Variants in SPATA18 observed in about 807,000 individuals in gnomAD.
SPATA18 encodes the protein spermatogenesis associated 18.
A neutral mutation model predicts 68.1 loss-of-function variants in SPATA18; 54 were observed. The observed-to-expected ratio is 0.79, with a 90% CI of 0.64 to 0.99. The LOEUF (loss-of-function observed/expected upper bound fraction) is 0.99, where lower values mean the gene tolerates loss of function less well. Among genes scored for constraint, SPATA18 ranks in the 50% least tolerant of loss-of-function variants. The pLI is 0.00. For missense variants in SPATA18, 724 were observed against 681.1 expected (o/e 1.06, Z -0.70); for synonymous variants, 242 against 244.8 (o/e 0.99, Z 0.11).
In SPATA18 at chr4:52,097,059, C is replaced by A. The variant is rs1742486356; in HGVS notation, c.*2172C>A. 1 of 152,094 alleles carries A rather than the reference C, an allele frequency of 6.6e-6. No homozygotes were observed. The highest frequency in any genetic ancestry group is 2.1e-4 in the South Asian group (1 of 4,828). The allele number at this position is 152,094 out of a possible 1,614,324, so 9.4% of individuals were successfully genotyped here. A position where few individuals can be genotyped will look rare whatever the true frequency, so the allele number is the denominator to read the frequency against. On this transcript the variant is annotated 3_prime_UTR_variant, in exon 13 of 13. Coordinates refer to ENST00000295213, the MANE Select transcript of SPATA18 (RefSeq NM_145263.4). ...TTGAGCTGTAACTACACAAGGAAAG[C>A]TAAATAGTCTGGAAAATTTTTGGAA...
intron 11 of SPATA18, among the ~76,000 whole-genome samples, chr4:52,089,920 G>C (rs1056217503): frequency 1.2e-4 from 18 of 152,180 alleles, no homozygotes; most frequent in African/African-American, 4.3e-4. Context: ...GGGAGTATAA[G>C]TCTCTTTGTA....
intron 11 of SPATA18, among the ~76,000 whole-genome samples, chr4:52,088,340 G>T (rs1741617341): frequency 6.6e-6 from 1 of 152,090 alleles, no homozygotes; most frequent in Non-Finnish European, 1.5e-5. Flanking sequence ...AGGCATCCTT[G>T]TCTTGTGCCG....
chr4:52,094,466 A>T, intron 11 of SPATA18, 61 bp from the exon 12 acceptor site: 1 of 1,542,124 alleles, frequency 6.5e-7, no homozygotes, highest in Non-Finnish European at 9.0e-7. Flanking sequence ...ATATGTCAAA[A>T]GAATTCATCC....
At position 52,080,220 on chromosome 4, in the gene SPATA18, A is replaced by G. The variant is rs1740802687; in HGVS notation, c.1355+301A>G. On this transcript the variant is annotated intron_variant, in intron 9 of 12. Transcript: ENST00000295213. The stretch of plus-strand genomic sequence containing the variant: ...ATTACTTTCTATTGGTTTTTATTGC[A>G]TTACTCAGGCCAGGCTTCTCAAAGT... 2.0e-5 allele frequency among the ~76,000 whole-genome samples: 3 copies of G among 152,184 alleles called. No homozygotes were observed. In the South Asian group the frequency reaches 6.2e-4, roughly 31 times the overall value.
chr4:52,064,406 A>G (rs1035057038), intron 4 of SPATA18, among the ~76,000 whole-genome samples: 2 of 152,080 alleles, frequency 1.3e-5, no homozygotes, highest in African/African-American at 4.8e-5. Context: ...GCCAATATGT[A>G]GTCTTTTATC....
Position 52,076,640 on chromosome 4 carries a change from G to A in SPATA18, c.759-139G>A, listed in dbSNP as rs2109477514. ...ACCAGATGCTGGAGTCAGATAATAG[G>A]GAAGTCTAATCACTTCTGAATTCCT... is the stretch of plus-strand genomic sequence containing the variant. On this transcript the variant is annotated intron_variant, in intron 6 of 12. Transcript: ENST00000295213. 4 of 1,095,408 alleles carry A rather than the reference G, an allele frequency of 3.7e-6. No individual in the cohort carries two copies. The East Asian group carries it at 1.0e-4, about 27-fold the overall frequency. 67.9% of individuals were successfully genotyped at this position (1,095,408 alleles called of 1,614,324 possible).
intron 11 of SPATA18, among the ~76,000 whole-genome samples, chr4:52,092,070 C>A (rs900180186): frequency 2.0e-5 from 3 of 152,188 alleles, no homozygotes; most frequent in Non-Finnish European, 4.4e-5. Context: ...GCTTGACCAT[C>A]CCAGATAGAT....
Position 52,089,123 on chromosome 4 carries a change from A to C in SPATA18, c.1563+4124A>C, listed in dbSNP as rs940009710. On this transcript the variant is annotated intron_variant, in intron 11 of 12. Transcript: ENST00000295213. ...AGTTTGTATTTCTGTGGGATCAGTG[A>C]TGATACCCCTCTTATCATTTTTTAT... Among the ~76,000 whole-genome samples the C allele has an allele frequency of 2.0e-5, 3 of 151,618 alleles. No individual in the cohort carries two copies. The South Asian group carries it at 6.2e-4, about 32-fold the overall frequency.
Position 52,078,774 on chromosome 4 carries a change from A to G in SPATA18, c.1060A>G (p.Lys354Glu). 1 of 1,605,200 alleles carries G rather than the reference A, an allele frequency of 6.2e-7. No individual in the cohort carries two copies. Among genetic ancestry groups the G allele is most frequent in the Non-Finnish European group, 8.5e-7 (1 of 1,172,844 alleles). Residue 354 changes from lysine to glutamate, a missense_variant, in exon 8 of 13, where the codon AAG becomes GAG. Coordinates refer to ENST00000295213, the MANE Select transcript of SPATA18 (RefSeq NM_145263.4). ...HVAKMAFRHF[K>E]IHVRKSLTPS... ...AGCAAAAATGGCATTCAGACACTTC[A>G]AGATCCATGTGAGAAAATCGTTGAC...
In SPATA18 at chr4:52,081,606, TTTTC is replaced by T. The variant is rs372352434; in HGVS notation, c.1356-773_1356-770del. On this transcript the variant is annotated intron_variant, in intron 9 of 12. Transcript: ENST00000295213. The stretch of plus-strand genomic sequence containing the variant: ...ATTAATTCAGCTAACTTACAGTAGT[TTTTC>T]TTTCTTTTTTAGCCTTCTAACAGTG... Among the ~76,000 whole-genome samples the T allele has an allele frequency of 7.5e-4, 114 of 152,182 alleles. 2 individuals carry two copies. The South Asian group carries it at 0.023, about 30-fold the overall frequency.
chr4:52,058,493 A>G (rs758539007), intron 1 of SPATA18, among the ~76,000 whole-genome samples: 1 of 152,110 alleles, frequency 6.6e-6, no homozygotes, highest in African/African-American at 2.4e-5. Context: ...TGCCCTGCCA[A>G]CCTCTAAATG....
At chr4:52,067,040 T>C (rs533036925) in intron 4 of SPATA18, among the ~76,000 whole-genome samples, 2 of 152,308 alleles carry the variant, frequency 1.3e-5, no homozygotes, top group Admixed American at 6.5e-5. Flanking sequence ...CTGGGTCAAA[T>C]GGTATTTCGG....
At chr4:52,079,654 C>G in intron 8 of SPATA18, 90 bp from the exon 9 acceptor site, 1 of 1,432,128 alleles carries the variant, frequency 7.0e-7, no homozygotes, top group Non-Finnish European at 9.5e-7. Flanking sequence ...ATTCTCTTTT[C>G]CCACCTCCCA....
Position 52,087,786 on chromosome 4 carries a change from G to GT in SPATA18, c.1563+2793dup, listed in dbSNP as rs201522050. 9.9e-3 allele frequency among the ~76,000 whole-genome samples: 1,500 copies of GT among 152,180 alleles called. 90 individuals carry two copies. In the East Asian group the frequency reaches 0.15, roughly 16 times the overall value. On this transcript the variant is annotated intron_variant, in intron 11 of 12. Transcript: ENST00000295213. ...TTGGTTCCATATGAAATTTAAAGTGGTTTTTTCCAATTCTGTGAAGAAAGT... is the reference window on the plus strand; with the variant it reads ...TTGGTTCCATATGAAATTTAAAGTGGTTTTTTTCCAATTCTGTGAAGAAAGT...
Position 52,069,904 on chromosome 4 carries a change from A to G in SPATA18, c.506A>G (p.Gln169Arg). 6.3e-7 allele frequency: 1 copy of G among 1,589,842 alleles called. No individual in the cohort carries two copies. Among genetic ancestry groups the G allele is most frequent in the African/African-American group, 1.3e-5 (1 of 74,756 alleles). ...TTGGCTGCAGAGGAGGAAATAAATC[A>G]GCTGAAAAAGCAGTAAGAAAAAAAT... is the stretch of plus-strand genomic sequence containing the variant. ...SLLAAEEEIN[Q>R]LKKQLKSLQA... Residue 169 changes from glutamine (Q) to arginine (R), a missense_variant, in exon 5 of 13, where the codon CAG (glutamine) becomes CGG (arginine). Transcript: ENST00000295213.
At chr4:52,063,496 G>A (rs554687386) in intron 4 of SPATA18, among the ~76,000 whole-genome samples, 1 of 152,082 alleles carries the variant, frequency 6.6e-6, no homozygotes, top group South Asian at 2.1e-4. Context: ...AATGTAACAT[G>A]CAAAAAGCAT....
chr4:52,078,706 A>G, intron 7 of SPATA18, 29 bp from the exon 8 acceptor site: 1 of 1,500,586 alleles, frequency 6.7e-7, no homozygotes, highest in Non-Finnish European at 9.0e-7. Flanking sequence ...TCTTTTCACC[A>G]AATAAATTTG....
In SPATA18 at chr4:52,072,106, G is replaced by A. The variant is rs765721215; in HGVS notation, c.708G>A (p.Leu236=). The A allele has an allele frequency of 1.5e-5, 25 of 1,613,966 alleles. No homozygotes were observed. Among genetic ancestry groups the A allele is most frequent in the South Asian group, 4.4e-5 (4 of 91,086 alleles). Reference sequence around the variant, plus strand: ...ATTATAAGAAACAGCTCCGAAACCTGAAGGAGGAGATAGCTGTTCTGTCTG... The same window carrying A: ...ATTATAAGAAACAGCTCCGAAACCTAAAGGAGGAGATAGCTGTTCTGTCTG... ...MSDYKKQLRN[L]KEEIAVLSAE... Residue 236 remains leucine, a synonymous_variant, in exon 6 of 13, where the codon CTG becomes CTA. Coordinates refer to ENST00000295213, the MANE Select transcript of SPATA18 (RefSeq NM_145263.4).
chr4:52,082,820 G>A (rs1578192276), intron 10 of SPATA18: 1 of 985,126 alleles, frequency 1.0e-6, no homozygotes, highest in Non-Finnish European at 1.2e-6. Context: ...AAGTTATCTT[G>A]TAGGAGGATT....
Sources: gnomAD v4.1 joint callset for allele counts (sites outside exome capture counted in the v4.1 genomes callset) on GRCh38, gnomAD v4.1.1 for gene constraint, MANE v1.5 for transcripts, NCBI Gene and HGNC (gene_info 2026-07-23, HGNC 2026-07-21) for gene names.